DAB1: variants seen among roughly 807,000 people sequenced by gnomAD.
The protein encoded by DAB1 is DAB adaptor protein 1.
In DAB1, 15 loss-of-function variants were observed where a neutral mutation model predicts 64.6. The ratio of observed to expected loss-of-function variants is 0.23; its 90% CI spans 0.16 to 0.36. The LOEUF (loss-of-function observed/expected upper bound fraction) is 0.36, where lower values mean the gene tolerates loss of function less well. DAB1 is among the 10% of genes least tolerant of loss of function. DAB1 has a pLI of 1.00. For missense variants in DAB1, 596 were observed against 706.7 expected (o/e 0.84, Z 1.78); for synonymous variants, 235 against 251.9 (o/e 0.93, Z 0.64).
chr1:57,634,759 T>C (rs1328708058), intron 7 of DAB1, among the ~76,000 whole-genome samples: 1 of 152,208 alleles, frequency 6.6e-6, no homozygotes, highest in Admixed American at 6.5e-5. Flanking sequence ...GAGATTATAC[T>C]TCTCCCACTG....
At chr1:58,533,942 T>C in intron 1 of DAB1, 1 of 869,954 alleles carries the variant, frequency 1.1e-6, no homozygotes, top group Non-Finnish European at 2.0e-6. Context: ...ACATTCATTT[T>C]AGGTACTTAC....
intron 7 of DAB1, among the ~76,000 whole-genome samples, chr1:57,629,580 T>C (rs1308027779): frequency 6.6e-6 from 1 of 152,156 alleles, no homozygotes; most frequent in Admixed American, 6.5e-5. Flanking sequence ...GAATTGTAAT[T>C]GGCTTATTAC....
intron 5 of DAB1, among the ~76,000 whole-genome samples, chr1:57,975,829 T>C (rs894728183): frequency 3.3e-5 from 5 of 152,234 alleles, no homozygotes; most frequent in South Asian, 2.1e-4. Context: ...GTAAAGGGAC[T>C]GACTGAATAA....
At position 58,453,108 on chromosome 1, in the gene DAB1, C is replaced by A. The variant is rs147685915; in HGVS notation, n.257+52952G>T. 2.0e-3 allele frequency among the ~76,000 whole-genome samples: 311 copies of A among 152,258 alleles called. 1 individual carries two copies. The highest frequency in any genetic ancestry group is 7.1e-3 in the African/African-American group (295 of 41,546). On this transcript the variant is annotated intron_variant and non_coding_transcript_variant, in intron 3 of 20. Coordinates refer to the DAB1 transcript ENST00000485760. Reference sequence around the variant, plus strand: ...CAACATGGATGAATCTCAAAGGCATCGTGCTGAGTGAAAAGACCATCTCAA... The same window carrying A: ...CAACATGGATGAATCTCAAAGGCATAGTGCTGAGTGAAAAGACCATCTCAA...
At chr1:58,039,833 G>A (rs888423158) in intron 5 of DAB1, among the ~76,000 whole-genome samples, 6 of 152,028 alleles carry the variant, frequency 3.9e-5, no homozygotes, top group Non-Finnish European at 7.4e-5. Flanking sequence ...ATTTATTGTC[G>A]AGGTTGAATA....
rs546456779 is a variant in DAB1, at chr1:58,109,630, C to T, written n.387+40881G>A. ...AAAAGCTAGAGTCTGATTTGTCCAG[C>T]TTGCATCATACTCACGTGGGCCAAG... On this transcript the variant is annotated intron_variant and non_coding_transcript_variant, in intron 5 of 20. Coordinates refer to the DAB1 transcript ENST00000485760. Among the ~76,000 whole-genome samples, 37 of 152,018 alleles carry T rather than the reference C, an allele frequency of 2.4e-4. 1 individual carries two copies. In the South Asian group the frequency reaches 7.5e-3, roughly 31 times the overall value.
chr1:57,481,213 A>G (rs549763813), intron 7 of DAB1, among the ~76,000 whole-genome samples: 1 of 152,222 alleles, frequency 6.6e-6, no homozygotes, highest in African/African-American at 2.4e-5. Flanking sequence ...AGCATCAGTC[A>G]TTTTTAAAGA....
intron 2 of DAB1, among the ~76,000 whole-genome samples, chr1:57,224,337 G>T (rs1212051719): frequency 6.6e-6 from 1 of 152,114 alleles, no homozygotes; most frequent in East Asian, 1.9e-4. Context: ...CACCACCTGA[G>T]TTCTGATGGA....
intron 2 of DAB1, chr1:58,506,231 C>A (rs1286460755): frequency 1.2e-6 from 1 of 855,292 alleles, no homozygotes; most frequent in Admixed American, 1.7e-5. Flanking sequence ...ATTAGTAAAA[C>A]CACACAATGA....
chr1:58,367,646 T>G (rs1208669244), intron 3 of DAB1, among the ~76,000 whole-genome samples: 7 of 152,286 alleles, frequency 4.6e-5, no homozygotes, highest in Admixed American at 1.3e-4. Context: ...GGGGAAGTTA[T>G]TCCAGGCATG....
intron 1 of DAB1, among the ~76,000 whole-genome samples, chr1:57,323,138 A>G (rs1675861976): frequency 1.3e-5 from 2 of 151,912 alleles, no homozygotes; most frequent in Non-Finnish European, 2.9e-5. Flanking sequence ...TGGATATACC[A>G]CCTAATTCTC....
At chr1:57,588,278 C>G (rs188453713) in intron 7 of DAB1, among the ~76,000 whole-genome samples, 1 of 152,296 alleles carries the variant, frequency 6.6e-6, no homozygotes, top group Non-Finnish European at 1.5e-5. Context: ...ACAGCACCCC[C>G]CTACCACCAC....
chr1:57,311,823 T>C (rs756837570), intron 1 of DAB1, among the ~76,000 whole-genome samples: 2 of 152,182 alleles, frequency 1.3e-5, no homozygotes, highest in Admixed American at 6.5e-5. Flanking sequence ...AATGCATCTT[T>C]CTTGTGACCA....
At chr1:56,999,521 G>A (rs1313654212) in intron 14 of DAB1, among the ~76,000 whole-genome samples, 4 of 152,086 alleles carry the variant, frequency 2.6e-5, no homozygotes, top group Non-Finnish European at 4.4e-5. Flanking sequence ...TTTATTTTTT[G>A]AGTCCTCCCT....
intron 1 of DAB1, among the ~76,000 whole-genome samples, chr1:57,412,797 A>C (rs553553975): frequency 6.0e-4 from 92 of 152,358 alleles, no homozygotes; most frequent in African/African-American, 2.1e-3. Context: ...TGCAAGGTGA[A>C]GCAGTAAGTG....
intron 1 of DAB1, among the ~76,000 whole-genome samples, chr1:57,347,303 T>C (rs554781645): frequency 6.6e-6 from 1 of 152,204 alleles, no homozygotes; most frequent in Non-Finnish European, 1.5e-5. Flanking sequence ...AGAATAATAA[T>C]ACTTGCCCTG....
chr1:58,478,420 T>G (rs1645441078), intron 3 of DAB1, among the ~76,000 whole-genome samples: 1 of 152,214 alleles, frequency 6.6e-6, no homozygotes, highest in Non-Finnish European at 1.5e-5. Context: ...GTAACAATTT[T>G]TATTACATTT....
intron 1 of DAB1, among the ~76,000 whole-genome samples, chr1:57,854,928 T>G (rs1653685832): frequency 6.6e-6 from 1 of 152,200 alleles, no homozygotes; most frequent in East Asian, 1.9e-4. Flanking sequence ...AAAGAAAAAT[T>G]AATAACTTAT....
At chr1:57,367,185 G>A (rs1182686497) in intron 1 of DAB1, among the ~76,000 whole-genome samples, 1 of 151,962 alleles carries the variant, frequency 6.6e-6, no homozygotes, top group Non-Finnish European at 1.5e-5. Flanking sequence ...TGACTTGGGA[G>A]GACCACTTCA....
Sources: allele counts gnomAD v4.1 joint callset (sites outside exome capture counted in the v4.1 genomes callset), GRCh38; gene constraint gnomAD v4.1.1; transcripts MANE v1.5; gene names NCBI Gene and HGNC (gene_info 2026-07-23, HGNC 2026-07-21).